Variants in TENM2 observed in about 807,000 individuals in gnomAD.
The protein encoded by TENM2 is teneurin transmembrane protein 2, also known as teneurin-2.
TENM2 carries 52 observed loss-of-function variants against 245.2 expected under a neutral mutation model. The observed-to-expected ratio is 0.21, with a 90% CI of 0.17 to 0.27. The LOEUF is 0.27. Ranked by LOEUF, TENM2 falls within the 10% of genes least tolerant of loss-of-function variation. The probability of loss-of-function intolerance (pLI) is 1.00; values close to 1 mark genes in which losing one functional copy is unlikely to be tolerated. For synonymous variants in TENM2, 1,363 were observed against 1,438.9 expected, an observed-to-expected ratio of 0.95 and a Z score of 1.19; for missense variants, 3,046 against 3,666.8, an observed-to-expected ratio of 0.83 and a Z score of 4.37.
intron 2 of TENM2, among the ~76,000 whole-genome samples, chr5:167,671,630 AGT>A (rs972613161): frequency 2.0e-4 from 30 of 152,022 alleles, no homozygotes; most frequent in Admixed American, 5.9e-4. Context: ...TTTATGAATA[AGT>A]GTGTGTCTAT....
In TENM2 at chr5:168,244,068, G is replaced by C. The variant is rs780752772; in HGVS notation, c.5521-352G>C. 6.6e-6 allele frequency among the ~76,000 whole-genome samples: 1 copy of C among 151,304 alleles called. No homozygotes were observed. The highest frequency in any genetic ancestry group is 1.5e-5 in the Non-Finnish European group (1 of 67,918). On this transcript the variant is annotated intron_variant, in intron 25 of 28. Transcript: ENST00000518659. The surrounding 1 kb of genome is among the most constrained non-coding windows in gnomAD (Gnocchi z 4.9). ...ATTCTCCTGCCTCAGCCTCCCAGTA[G>C]CTGGAACTACAGGTGCATGCCACCA... is the stretch of plus-strand genomic sequence containing the variant.
intron 7 of TENM2, among the ~76,000 whole-genome samples, chr5:168,081,056 G>A (rs555342768): frequency 1.4e-4 from 22 of 152,244 alleles, no homozygotes; most frequent in African/African-American, 5.3e-4. Flanking sequence ...TTATTATTGT[G>A]TGGGAGTCTA....
At chr5:167,492,701 A>G (rs1768511384) in intron 2 of TENM2, among the ~76,000 whole-genome samples, 1 of 152,092 alleles carries the variant, frequency 6.6e-6, no homozygotes, top group Admixed American at 6.6e-5. Flanking sequence ...CATTCAAAAA[A>G]CCTGGGGACA....
chr5:167,929,018 GAGAA>G (rs1170529466), intron 3 of TENM2, among the ~76,000 whole-genome samples: 1 of 134,218 alleles, frequency 7.5e-6, no homozygotes, highest in African/African-American at 2.8e-5. Context: ...GAAAAAGAAA[GAGAA>G]AGGAAAGAAA....
Position 168,218,036 on chromosome 5 carries a change from C to T in TENM2, c.4234-89C>T. ...GTGTTATTAAAAAGCTGTCTTTTTTCCTAGATATATAAAACCAGTAAGTGC... is the reference window on the plus strand; with the variant it reads ...GTGTTATTAAAAAGCTGTCTTTTTTTCTAGATATATAAAACCAGTAAGTGC... On this transcript the variant is annotated intron_variant, in intron 22 of 28. Transcript: ENST00000518659. The surrounding 1 kb of genome is among the most constrained non-coding windows in gnomAD (Gnocchi z 5.2). 1 of 1,411,378 alleles carries T rather than the reference C, an allele frequency of 7.1e-7. No individual in the cohort carries two copies. Among genetic ancestry groups the T allele is most frequent in the Admixed American group, 2.2e-5 (1 of 44,464 alleles). 87.4% of individuals were successfully genotyped at this position (1,411,378 alleles called of 1,614,324 possible).
intron 2 of TENM2, among the ~76,000 whole-genome samples, chr5:167,862,633 C>T (rs1771924055): frequency 1.3e-5 from 2 of 152,172 alleles, no homozygotes; most frequent in African/African-American, 4.8e-5. Context: ...GCATAGTTTT[C>T]CCCGGAGAGT....
intron 2 of TENM2, among the ~76,000 whole-genome samples, chr5:167,668,504 G>A (rs930459350): frequency 1.1e-4 from 16 of 152,110 alleles, no homozygotes; most frequent in South Asian, 2.1e-4. Flanking sequence ...TCATTCATAC[G>A]CTGTAATGGA....
At chr5:167,815,776 A>G (rs1463056851) in intron 2 of TENM2, among the ~76,000 whole-genome samples, 2 of 151,916 alleles carry the variant, frequency 1.3e-5, no homozygotes, top group African/African-American at 4.8e-5. Context: ...ATGTGGGAGA[A>G]TGAGAGGGAA....
chr5:168,089,510 G>A (rs1792743193), intron 7 of TENM2, among the ~76,000 whole-genome samples: 1 of 152,092 alleles, frequency 6.6e-6, no homozygotes, highest in African/African-American at 2.4e-5. Flanking sequence ...ATCCTGGTAG[G>A]CTTAGTTGAC....
chr5:167,836,143 T>G (rs1032878980), intron 2 of TENM2, among the ~76,000 whole-genome samples: 3 of 152,232 alleles, frequency 2.0e-5, no homozygotes, highest in African/African-American at 7.2e-5. Flanking sequence ...AATTACTTTT[T>G]TATGATACAT....
intron 5 of TENM2, among the ~76,000 whole-genome samples, chr5:168,044,064 C>T (rs1371464612): frequency 6.6e-6 from 1 of 152,154 alleles, no homozygotes; most frequent in Non-Finnish European, 1.5e-5. Context: ...ATAGTACCTA[C>T]CTGTGAGTCT....
At chr5:167,591,458 T>A (rs1166258892) in intron 2 of TENM2, among the ~76,000 whole-genome samples, 1 of 152,210 alleles carries the variant, frequency 6.6e-6, no homozygotes, top group Non-Finnish European at 1.5e-5. Context: ...CAGGCTTTCT[T>A]CCAATTAATT....
At chr5:167,267,700 G>A in the TENM2 span, among the ~76,000 whole-genome samples, 1 of 152,140 alleles carries the variant, frequency 6.6e-6, no homozygotes, top group South Asian at 2.1e-4. Context: ...ACAGCATTAT[G>A]TTTCTGGTGA....
chr5:167,373,249 A>C (rs1760547118), intron 1 of TENM2, among the ~76,000 whole-genome samples: 1 of 152,272 alleles, frequency 6.6e-6, no homozygotes, highest in Non-Finnish European at 1.5e-5. Context: ...TATGTCTATT[A>C]CAAATTAAAG....
chr5:168,203,342 T>C (rs2152537134), intron 17 of TENM2, among the ~76,000 whole-genome samples: 1 of 152,346 alleles, frequency 6.6e-6, no homozygotes, highest in South Asian at 2.1e-4. Flanking sequence ...AGAAGCAGTC[T>C]CCTGTCCATC....
chr5:167,402,591 G>A (rs1762420734), intron 2 of TENM2, among the ~76,000 whole-genome samples: 2 of 152,228 alleles, frequency 1.3e-5, no homozygotes, highest in South Asian at 4.1e-4. Context: ...CATTTTGGCT[G>A]AAGTGTAGAT....
chr5:167,503,517 CTT>C (rs35774602), intron 2 of TENM2, among the ~76,000 whole-genome samples: 2 of 146,532 alleles, frequency 1.4e-5, no homozygotes, highest in African/African-American at 2.5e-5. Context: ...TAATGTCTTC[CTT>C]TTTTTTTTTT....
At chr5:167,122,051 A>T in the TENM2 span, among the ~76,000 whole-genome samples, 1 of 152,198 alleles carries the variant, frequency 6.6e-6, no homozygotes, top group African/African-American at 2.4e-5. Flanking sequence ...AAAATGAGGC[A>T]GAAAGATTAA....
chr5:167,506,581 G>C (rs955305225), intron 2 of TENM2, among the ~76,000 whole-genome samples: 2 of 152,168 alleles, frequency 1.3e-5, no homozygotes, highest in Non-Finnish European at 2.9e-5. Context: ...CAGCAATCAA[G>C]TCAGATTTGA....
Sources: gnomAD v4.1 joint callset for allele counts (sites outside exome capture counted in the v4.1 genomes callset) on GRCh38, gnomAD v4.1.1 for gene constraint, Gnocchi (gnomAD v3.1) non-coding constraint, MANE v1.5 for transcripts, NCBI Gene and HGNC (gene_info 2026-07-23, HGNC 2026-07-21) for gene names.